The following TSPAN5 variants were observed in gnomAD, a reference collection of about 807,000 sequenced individuals.
TSPAN5 encodes the protein tetraspanin 5.
Under a neutral mutation model 37.1 loss-of-function variants are expected in TSPAN5, and 10 were observed. The observed-to-expected ratio is 0.27, with a 90% CI of 0.17 to 0.46. The LOEUF (loss-of-function observed/expected upper bound fraction) is 0.46, where lower values mean the gene tolerates loss of function less well. Ranked by LOEUF, TSPAN5 falls within the 20% of genes least tolerant of loss-of-function variation. TSPAN5 has a pLI of 1.00. For synonymous variants in TSPAN5, 110 were observed against 118.9 expected (o/e 0.93, Z 0.48); for missense variants, 195 against 326.6 (o/e 0.60, Z 3.11).
chr4:98,567,760 T>C (rs1263187354), intron 1 of TSPAN5, among the ~76,000 whole-genome samples: 2 of 87,894 alleles, frequency 2.3e-5, no homozygotes, highest in Non-Finnish European at 4.3e-5. Flanking sequence ...GCCAGGGCAG[T>C]GGGTCAGAGA....
intron 1 of TSPAN5, among the ~76,000 whole-genome samples, chr4:98,638,913 C>T (rs1163421462): frequency 6.6e-6 from 1 of 152,204 alleles, no homozygotes; most frequent in Admixed American, 6.5e-5. Flanking sequence ...ATGCAGTGAG[C>T]GTGCATCCAG....
intron 1 of TSPAN5, among the ~76,000 whole-genome samples, chr4:98,621,367 T>C (rs942910268): frequency 5.2e-5 from 3 of 57,252 alleles, no homozygotes; most frequent in Admixed American, 2.1e-4. Flanking sequence ...TATGTCACTT[T>C]TTTTTTTTTT....
chr4:98,543,868 A>T, intron 1 of TSPAN5, among the ~76,000 whole-genome samples: 1 of 152,066 alleles, frequency 6.6e-6, no homozygotes, highest in Non-Finnish European at 1.5e-5. Context: ...AGAATATTAG[A>T]TCACAATATT....
chr4:98,541,382 A>ACT (rs1754352299), intron 1 of TSPAN5, among the ~76,000 whole-genome samples: 1 of 152,110 alleles, frequency 6.6e-6, no homozygotes, highest in Non-Finnish European at 1.5e-5. Context: ...TCCATAAGAA[A>ACT]ATGTGGGATA....
At position 98,613,953 on chromosome 4, in the gene TSPAN5, T is replaced by C. The variant is rs187132689; in HGVS notation, c.81+44193A>G. ...AACCAATTATCACTTCCAGCCTTTA[T>C]CTAGCCGGCTAAATGGTCCCTTGCA... On this transcript the variant is annotated intron_variant, in intron 1 of 7. Coordinates refer to ENST00000305798, the MANE Select transcript of TSPAN5 (RefSeq NM_005723.4). 3.2e-4 allele frequency among the ~76,000 whole-genome samples: 49 copies of C among 152,308 alleles called. 1 individual carries two copies. The East Asian group carries it at 9.3e-3, about 29-fold the overall frequency.
chr4:98,476,591 G>T, intron 5 of TSPAN5, 131 bp from the exon 6 acceptor site: 1 of 764,680 alleles, frequency 1.3e-6, no homozygotes, highest in Non-Finnish European at 2.2e-6. Context: ...GCAGCACTAT[G>T]TTAAACACTT....
intron 1 of TSPAN5, among the ~76,000 whole-genome samples, chr4:98,645,358 A>G (rs1470121154): frequency 2.0e-5 from 3 of 152,218 alleles, no homozygotes; most frequent in African/African-American, 7.2e-5. Flanking sequence ...TGTATTTAAG[A>G]TTAAAATCAG....
chr4:98,523,441 T>C (rs1753897092), intron 1 of TSPAN5, among the ~76,000 whole-genome samples: 1 of 152,094 alleles, frequency 6.6e-6, no homozygotes, highest in Non-Finnish European at 1.5e-5. Context: ...ATAAAAATTA[T>C]GGTTTTTTTT....
intron 1 of TSPAN5, among the ~76,000 whole-genome samples, chr4:98,591,930 G>A (rs1243659046): frequency 6.6e-6 from 1 of 151,356 alleles, no homozygotes; most frequent in African/African-American, 2.4e-5. Context: ...AAAGAACAAT[G>A]TTGAAGGACT....
At chr4:98,500,487 C>A (rs1753320032) in intron 2 of TSPAN5, among the ~76,000 whole-genome samples, 1 of 152,174 alleles carries the variant, frequency 6.6e-6, no homozygotes, top group Admixed American at 6.5e-5. Flanking sequence ...TTCCAATCAC[C>A]CCTAGAGAAC....
At chr4:98,584,384 C>A (rs1459365550) in intron 1 of TSPAN5, among the ~76,000 whole-genome samples, 2 of 152,172 alleles carry the variant, frequency 1.3e-5, no homozygotes, top group East Asian at 3.8e-4. Context: ...AGCATATATG[C>A]CTAAGTATTA....
intron 1 of TSPAN5, among the ~76,000 whole-genome samples, chr4:98,546,042 T>C (rs1754463189): frequency 6.6e-6 from 1 of 152,182 alleles, no homozygotes; most frequent in East Asian, 1.9e-4. Flanking sequence ...TGCATTAGGA[T>C]ATATTAATAA....
rs182550102 is a variant in TSPAN5 at position 98,648,198 on chromosome 4, C to T, written c.81+9948G>A. On this transcript the variant is annotated intron_variant, in intron 1 of 7. Coordinates refer to ENST00000305798, the MANE Select transcript of TSPAN5 (RefSeq NM_005723.4). ...AAGAAATGTCCCCTCCACAGCATTA[C>T]AGCAGAGGGAATTCAATGAACCTGT... is the stretch of plus-strand genomic sequence containing the variant. 1.6e-3 allele frequency among the ~76,000 whole-genome samples: 248 copies of T among 152,332 alleles called. 1 individual carries two copies. The highest frequency in any genetic ancestry group is 5.5e-3 in the African/African-American group (230 of 41,582).
chr4:98,538,270 G>A (rs916505460), intron 1 of TSPAN5, among the ~76,000 whole-genome samples: 1 of 152,228 alleles, frequency 6.6e-6, no homozygotes, highest in Non-Finnish European at 1.5e-5. Flanking sequence ...CAGTTACTTT[G>A]TGGCTGTTCT....
intron 2 of TSPAN5, among the ~76,000 whole-genome samples, chr4:98,498,660 G>T (rs959963405): frequency 1.3e-5 from 2 of 152,166 alleles, no homozygotes; most frequent in African/African-American, 4.8e-5. Flanking sequence ...GGGCCTGGGG[G>T]TGGAGTGTGG....
chr4:98,544,866 T>C (rs1287078753), intron 1 of TSPAN5, among the ~76,000 whole-genome samples: 2 of 152,214 alleles, frequency 1.3e-5, no homozygotes, highest in Non-Finnish European at 2.9e-5. Flanking sequence ...AGTTGAATTA[T>C]TCAAAGAAAA....
At chr4:98,612,930 T>C (rs1334938401) in intron 1 of TSPAN5, among the ~76,000 whole-genome samples, 1 of 152,240 alleles carries the variant, frequency 6.6e-6, no homozygotes, top group Non-Finnish European at 1.5e-5. Flanking sequence ...GCCAGTCTCT[T>C]ACCCCGTGTT....
chr4:98,531,515 T>C (rs775968475), intron 1 of TSPAN5, among the ~76,000 whole-genome samples: 14 of 152,226 alleles, frequency 9.2e-5, no homozygotes, highest in Admixed American at 3.3e-4. Context: ...TTGTGAATAG[T>C]GCTGCAATAA....
At chr4:98,508,994 C>T (rs752391737) in intron 1 of TSPAN5, among the ~76,000 whole-genome samples, 4 of 152,086 alleles carry the variant, frequency 2.6e-5, no homozygotes, top group Non-Finnish European at 5.9e-5. Flanking sequence ...GTAACTGGGG[C>T]GACACAGACT....
Sources: allele counts gnomAD v4.1 joint callset (sites outside exome capture counted in the v4.1 genomes callset), GRCh38; gene constraint gnomAD v4.1.1; transcripts MANE v1.5; gene names NCBI Gene and HGNC (gene_info 2026-07-23, HGNC 2026-07-21).